MYOM1: variants seen among roughly 807,000 people sequenced by gnomAD.
The protein encoded by MYOM1 is myomesin 1.
In MYOM1, 164 loss-of-function variants were observed where a neutral mutation model predicts 205.3. The observed-to-expected ratio is 0.80, with a 90% CI of 0.70 to 0.91. The LOEUF (loss-of-function observed/expected upper bound fraction) is 0.91. Among genes scored for constraint, MYOM1 ranks in the 40% least tolerant of loss-of-function variants. The pLI is 0.00. For synonymous variants in MYOM1, 772 were observed against 789.4 expected, an observed-to-expected ratio of 0.98 and a Z score of 0.37; for missense variants, 2,011 against 2,127.3, an observed-to-expected ratio of 0.95 and a Z score of 1.08.
intron 3 of MYOM1, 76 bp downstream of exon 3, chr18:3,193,742 A>C: frequency 7.1e-7 from 1 of 1,404,894 alleles, no homozygotes; most frequent in Non-Finnish European, 9.7e-7. Context: ...AACAATTATG[A>C]CTATAATCTG....
At position 3,168,954 on chromosome 18, in the gene MYOM1, G is replaced by T. The variant is rs748223139; in HGVS notation, c.1202C>A (p.Ser401Tyr). 1 of 1,612,974 alleles carries T rather than the reference G, an allele frequency of 6.2e-7. No individual in the cohort carries two copies. Among genetic ancestry groups the T allele is most frequent in the South Asian group, 1.1e-5 (1 of 90,976 alleles). Residue 401 changes from serine to tyrosine, a missense_variant, in exon 9 of 38, where the codon TCC becomes TAC. By Grantham distance (144) the Ser-to-Tyr change is moderately radical. Coordinates refer to ENST00000356443, the MANE Select transcript of MYOM1 (RefSeq NM_003803.4). ...SFGVTPYGYA[S>Y]RFEIHFDDKF... Reference sequence around the variant, plus strand: ...GTCATCAAAGTGGATCTCAAACCGGGATGCATAACCATATGGGGTCACACC... The same window carrying T: ...GTCATCAAAGTGGATCTCAAACCGGTATGCATAACCATATGGGGTCACACC...
intron 19 of MYOM1, among the ~76,000 whole-genome samples, chr18:3,123,488 A>G (rs1015829230): frequency 2.0e-5 from 3 of 152,106 alleles, no homozygotes; most frequent in Non-Finnish European, 4.4e-5. Flanking sequence ...TAAAAAGACC[A>G]AAACGAATGA....
At position 3,079,357 on chromosome 18, in the gene MYOM1, G is replaced by A. The variant is rs759781746; in HGVS notation, c.4485-15C>T. ...TGGCGGACCCACTGTGAAAATCGAAGAAAACTTCCTTAGCATTTGCTTCCA... is the reference window on the plus strand; with the variant it reads ...TGGCGGACCCACTGTGAAAATCGAAAAAAACTTCCTTAGCATTTGCTTCCA... On this transcript the variant is annotated splice_polypyrimidine_tract_variant and intron_variant, in intron 33 of 37. Coordinates refer to ENST00000356443, the MANE Select transcript of MYOM1 (RefSeq NM_003803.4). 7 of 1,598,842 alleles carry A rather than the reference G, an allele frequency of 4.4e-6. No homozygotes were observed. The highest frequency in any genetic ancestry group is 6.0e-6 in the Non-Finnish European group (7 of 1,170,298).
chr18:3,068,388 G>A (rs1338487435), intron 37 of MYOM1, among the ~76,000 whole-genome samples: 1 of 151,878 alleles, frequency 6.6e-6, no homozygotes, highest in Non-Finnish European at 1.5e-5. Flanking sequence ...TGACATTGAT[G>A]CAATCCACCG....
chr18:3,089,895 A>G (rs1405620858), intron 27 of MYOM1, among the ~76,000 whole-genome samples: 5 of 152,206 alleles, frequency 3.3e-5, no homozygotes, highest in Non-Finnish European at 5.9e-5. Flanking sequence ...GTAAGTGAGC[A>G]GCTGATTTAC....
chr18:3,201,465 G>T (rs886116856), intron 2 of MYOM1, among the ~76,000 whole-genome samples: 2 of 151,752 alleles, frequency 1.3e-5, no homozygotes, highest in Non-Finnish European at 2.9e-5. Flanking sequence ...CGAAAAGATG[G>T]AGAACAACCA....
rs1159326294 is a variant in MYOM1, at chr18:3,151,692, A to G, written c.1843+2T>C. 6.2e-7 allele frequency: 1 copy of G among 1,609,446 alleles called. No homozygotes were observed. The highest frequency in any genetic ancestry group is 1.1e-5 in the South Asian group (1 of 90,704). On this transcript the variant is annotated splice_donor_variant, in intron 12 of 37. Coordinates refer to ENST00000356443, the MANE Select transcript of MYOM1 (RefSeq NM_003803.4). LOFTEE classifies it high-confidence loss of function. ...AGGTCCTGAAAAATGAAAAGTGCTT[A>G]CTTTTAAGTCTAGCTTTCTCAGCCG...
chr18:3,099,966 G>C lies in MYOM1; in HGVS notation c.3727+193C>G, dbSNP rs115539055. Among the ~76,000 whole-genome samples, 3,370 of 152,206 alleles carry C rather than the reference G, an allele frequency of 0.022. 118 individuals are homozygous for C. Among genetic ancestry groups the C allele is most frequent in the African/African-American group, 0.077 (3,201 of 41,510 alleles). On this transcript the variant is annotated intron_variant, in intron 25 of 37. Transcript: ENST00000356443. ...TATATTTTCTATGTTAGTATCCTTGGTATCTCTGGAGAACAACCGCAAAGG... is the reference window on the plus strand; with the variant it reads ...TATATTTTCTATGTTAGTATCCTTGCTATCTCTGGAGAACAACCGCAAAGG...
chr18:3,195,566 CCT>C (rs569520259), intron 2 of MYOM1, among the ~76,000 whole-genome samples: 55 of 152,258 alleles, frequency 3.6e-4, no homozygotes, highest in Admixed American at 1.4e-3. Context: ...CATTTTTTCC[CCT>C]GTTTCCAGAA....
rs371172651 is a variant in MYOM1, at chr18:3,191,758, T to C, written c.431+2060A>G. Among the ~76,000 whole-genome samples, 65 of 151,776 alleles carry C rather than the reference T, an allele frequency of 4.3e-4. 1 individual carries two copies. The highest frequency in any genetic ancestry group is 1.4e-3 in the African/African-American group (59 of 41,318). On this transcript the variant is annotated intron_variant, in intron 3 of 37. Coordinates refer to ENST00000356443, the MANE Select transcript of MYOM1 (RefSeq NM_003803.4). ...TGGCCCAGGCTGGAGTGCAGTGGCG[T>C]GATCTCAGCTCACTGCAACCTCTGC...
intron 21 of MYOM1, among the ~76,000 whole-genome samples, chr18:3,114,579 G>GTTTTTTT (rs1555618961): frequency 1.5e-5 from 2 of 136,440 alleles, no homozygotes; most frequent in African/African-American, 5.7e-5. Context: ...TAGAGACAGG[G>GTTTTTTT]TTTTGCCATG....
intron 19 of MYOM1, among the ~76,000 whole-genome samples, chr18:3,124,530 C>A (rs9954830): frequency 0.37 from 56,615 of 151,162 alleles, 10,770 homozygotes; most frequent in East Asian, 0.58. Flanking sequence ...AGGGTTTCAC[C>A]GTGTTAGCCA....
chr18:3,152,191 ATATCTCC>A lies in MYOM1; in HGVS notation c.1644-305_1644-299del, dbSNP rs1394443739. The stretch of plus-strand genomic sequence containing the variant: ...GGGGGTTGCTGGGATAAGCAGATAA[ATATCTCC>A]AATCTTAGCATTGGAGAAGATCCCC... On this transcript the variant is annotated intron_variant, in intron 11 of 37. Transcript: ENST00000356443. The surrounding 1 kb of genome is among the most constrained non-coding windows in gnomAD (Gnocchi z 4.3). 6.6e-6 allele frequency among the ~76,000 whole-genome samples: 1 copy of A among 152,150 alleles called. No homozygotes were observed. Among genetic ancestry groups the A allele is most frequent in the East Asian group, 1.9e-4 (1 of 5,186 alleles).
intron 12 of MYOM1, among the ~76,000 whole-genome samples, chr18:3,150,954 T>C (rs1187251541): frequency 4.7e-5 from 7 of 149,810 alleles, no homozygotes; most frequent in African/African-American, 1.7e-4. Context: ...AGCTGGGACT[T>C]ACAGCTGTGT....
intron 10 of MYOM1, among the ~76,000 whole-genome samples, chr18:3,160,710 C>T (rs1390301984): frequency 6.6e-6 from 1 of 152,172 alleles, no homozygotes; most frequent in Non-Finnish European, 1.5e-5. Context: ...ATTTACCTTT[C>T]CAATTTTGCC....
intron 8 of MYOM1, among the ~76,000 whole-genome samples, chr18:3,172,313 C>T (rs1374719403): frequency 1.3e-5 from 2 of 152,106 alleles, no homozygotes; most frequent in Non-Finnish European, 2.9e-5. Context: ...AGAGGAGGCT[C>T]TGTAAGATTT....
chr18:3,228,528 AAAGT>A, the MYOM1 span, among the ~76,000 whole-genome samples: 3 of 152,094 alleles, frequency 2.0e-5, no homozygotes, highest in Non-Finnish European at 4.4e-5. The surrounding 1 kb of genome is among the most constrained non-coding windows in gnomAD (Gnocchi z 4.5). Context: ...TTTTCCTTTA[AAAGT>A]AAGAACCAGA....
chr18:3,189,221 G>T lies in MYOM1; in HGVS notation c.432-134C>A. 1 of 810,982 alleles carries T rather than the reference G, an allele frequency of 1.2e-6. No individual in the cohort carries two copies. The highest frequency in any genetic ancestry group is 1.9e-6 in the Non-Finnish European group (1 of 530,122). 50.2% of individuals were successfully genotyped at this position (810,982 alleles called of 1,614,324 possible). Reference sequence around the variant, plus strand: ...AAGAAAATCCGACATAGAAAAAGCAGGTGAATCAGAAGCTGACACTTCATG... The same window carrying T: ...AAGAAAATCCGACATAGAAAAAGCATGTGAATCAGAAGCTGACACTTCATG... On this transcript the variant is annotated intron_variant, in intron 3 of 37. Coordinates refer to ENST00000356443, the MANE Select transcript of MYOM1 (RefSeq NM_003803.4). This position sits in a 1 kb window ranked among gnomAD's most constrained non-coding sequence, Gnocchi z 4.8.
chr18:3,120,324 T>C (rs1250327488), intron 19 of MYOM1, among the ~76,000 whole-genome samples: 1 of 152,128 alleles, frequency 6.6e-6, no homozygotes, highest in Non-Finnish European at 1.5e-5. Context: ...GGGCCTGATG[T>C]TATCAGGTAA....
Sources: gnomAD v4.1 joint callset for allele counts (sites outside exome capture counted in the v4.1 genomes callset) on GRCh38, gnomAD v4.1.1 for gene constraint, Gnocchi (gnomAD v3.1) non-coding constraint, MANE v1.5 for transcripts, NCBI Gene and HGNC (gene_info 2026-07-23, HGNC 2026-07-21) for gene names.